Variants in GPC5 observed in about 807,000 individuals in gnomAD.
GPC5 encodes glypican-5.
A neutral mutation model predicts 53.9 loss-of-function variants in GPC5; 47 were observed. The observed-to-expected ratio is 0.87, with a 90% CI of 0.69 to 1.11. The LOEUF (loss-of-function observed/expected upper bound fraction) is 1.11, where lower values mean the gene tolerates loss of function less well. Among genes scored for constraint, GPC5 ranks in the 50% most tolerant of loss-of-function variants. The pLI, the probability that GPC5 is intolerant of heterozygous loss-of-function variation, is 0.00. For missense variants in GPC5, 748 were observed against 713.1 expected (o/e 1.05, Z -0.56); for synonymous variants, 286 against 263.3 (o/e 1.09, Z -0.84).
chr13:92,049,322 T>C (rs1175139293), intron 6 of GPC5, among the ~76,000 whole-genome samples: 1 of 152,172 alleles, frequency 6.6e-6, no homozygotes, highest in African/African-American at 2.4e-5. Context: ...TACATATCAC[T>C]ATCTGACCTT....
intron 4 of GPC5, among the ~76,000 whole-genome samples, chr13:91,740,155 C>T (rs1204683834): frequency 6.6e-6 from 1 of 152,168 alleles, no homozygotes; most frequent in Non-Finnish European, 1.5e-5. Context: ...GAGTTGCCTG[C>T]ATACTGATTA....
chr13:92,790,806 T>A (rs1364379201), intron 7 of GPC5, among the ~76,000 whole-genome samples: 1 of 152,122 alleles, frequency 6.6e-6, no homozygotes, highest in Non-Finnish European at 1.5e-5. Context: ...CCTCCTTCAT[T>A]GAGAAGCTGA....
At chr13:91,895,723 A>C (rs906614020) in intron 5 of GPC5, among the ~76,000 whole-genome samples, 3 of 151,940 alleles carry the variant, frequency 2.0e-5, no homozygotes, top group Non-Finnish European at 2.9e-5. Context: ...GTAACCTAGA[A>C]AGGATGCTCC....
intron 7 of GPC5, among the ~76,000 whole-genome samples, chr13:92,542,245 C>T (rs1881954971): frequency 6.6e-6 from 1 of 151,942 alleles, no homozygotes; most frequent in African/African-American, 2.4e-5. Context: ...TAAATGTAGT[C>T]ACTCTACAGT....
intron 7 of GPC5, among the ~76,000 whole-genome samples, chr13:92,534,073 G>A (rs1448944782): frequency 6.6e-6 from 1 of 152,090 alleles, no homozygotes; most frequent in East Asian, 1.9e-4. Flanking sequence ...GATCACTTGA[G>A]CCCATTAGAT....
At chr13:91,873,536 T>TC (rs1467133227) in intron 5 of GPC5, among the ~76,000 whole-genome samples, 1 of 151,582 alleles carries the variant, frequency 6.6e-6, no homozygotes, top group Non-Finnish European at 1.5e-5. Context: ...AAAACGAGAG[T>TC]CCCCCTGCAC....
intron 7 of GPC5, among the ~76,000 whole-genome samples, chr13:92,692,974 C>T (rs759781885): frequency 6.6e-6 from 1 of 151,518 alleles, no homozygotes; most frequent in Non-Finnish European, 1.5e-5. Flanking sequence ...GGGTGGTTTC[C>T]CTCATACTAT....
chr13:92,391,880 A>G (rs1875018950), intron 7 of GPC5, among the ~76,000 whole-genome samples: 1 of 152,182 alleles, frequency 6.6e-6, no homozygotes, highest in Non-Finnish European at 1.5e-5. Context: ...CTCACAGCAA[A>G]GCCACATGCA....
intron 6 of GPC5, among the ~76,000 whole-genome samples, chr13:92,135,261 T>C (rs903090562): frequency 1.5e-4 from 23 of 152,142 alleles, no homozygotes; most frequent in African/African-American, 5.1e-4. Context: ...CCTTGAAGTG[T>C]TTTCATATAG....
intron 5 of GPC5, among the ~76,000 whole-genome samples, chr13:91,856,340 G>A (rs1271109022): frequency 6.6e-6 from 1 of 151,526 alleles, no homozygotes; most frequent in Non-Finnish European, 1.5e-5. Flanking sequence ...TAAAGGCCTA[G>A]GAGTGAAACT....
chr13:92,009,697 A>T (rs978437105), intron 6 of GPC5, among the ~76,000 whole-genome samples: 1 of 152,114 alleles, frequency 6.6e-6, no homozygotes, highest in African/African-American at 2.4e-5. Flanking sequence ...CTACCCAAAT[A>T]ATTTCCTTTG....
intron 6 of GPC5, among the ~76,000 whole-genome samples, chr13:92,070,642 A>G (rs901097192): frequency 1.1e-4 from 16 of 152,206 alleles, no homozygotes; most frequent in Non-Finnish European, 2.4e-4. Flanking sequence ...TCAATTGTTG[A>G]ATACATATAG....
chr13:92,740,214 G>A (rs1181977148), intron 7 of GPC5, among the ~76,000 whole-genome samples: 1 of 151,722 alleles, frequency 6.6e-6, no homozygotes, highest in African/African-American at 2.4e-5. Flanking sequence ...ACTTTCTTTA[G>A]GTTTCTGGAT....
chr13:92,285,031 A>G (rs1375476498), intron 7 of GPC5, among the ~76,000 whole-genome samples: 2 of 152,212 alleles, frequency 1.3e-5, no homozygotes, highest in African/African-American at 4.8e-5. Context: ...ACTGATAAGC[A>G]ACTTCAGCAA....
At chr13:92,382,447 G>A (rs1354920474) in intron 7 of GPC5, among the ~76,000 whole-genome samples, 4 of 152,076 alleles carry the variant, frequency 2.6e-5, no homozygotes, top group Non-Finnish European at 4.4e-5. Context: ...CACTAATCTA[G>A]GAATTGGTTA....
At chr13:92,263,310 C>T (rs1024337690) in intron 7 of GPC5, among the ~76,000 whole-genome samples, 1 of 152,138 alleles carries the variant, frequency 6.6e-6, no homozygotes, top group Non-Finnish European at 1.5e-5. Flanking sequence ...ACAGGCTACT[C>T]AGAGCACAGA....
At chr13:92,756,856 T>A (rs1874902331) in intron 7 of GPC5, among the ~76,000 whole-genome samples, 2 of 150,300 alleles carry the variant, frequency 1.3e-5, no homozygotes, top group Admixed American at 6.6e-5. Flanking sequence ...GGAAGAACAT[T>A]CCATGCTCAT....
In GPC5 at chr13:91,542,602, G is replaced by A. The variant is rs74902747; in HGVS notation, c.325+93680G>A. The stretch of plus-strand genomic sequence containing the variant: ...GAAGGAATACAATTCTGAATGCAGT[G>A]TCCAGAGTCCTTGCATCCCTCCTTA... On this transcript the variant is annotated intron_variant, in intron 2 of 7. Transcript: ENST00000377067. Among the ~76,000 whole-genome samples, 1,455 of 152,322 alleles carry A rather than the reference G, an allele frequency of 9.6e-3. 8 individuals carry two copies. Among genetic ancestry groups the A allele is most frequent in the Non-Finnish European group, 0.015 (997 of 68,024 alleles).
chr13:91,921,188 C>T lies in GPC5; in HGVS notation c.1401+13131C>T, dbSNP rs147559014. 3.8e-4 allele frequency among the ~76,000 whole-genome samples: 58 copies of T among 152,060 alleles called. No homozygotes were observed. The East Asian group carries it at 9.7e-3, about 25-fold the overall frequency. On this transcript the variant is annotated intron_variant, in intron 6 of 7. Coordinates refer to ENST00000377067, the MANE Select transcript of GPC5 (RefSeq NM_004466.6). ...TTGACCTCAGGTGATTCATCTGCCT[C>T]GGCCTCCCAGAGTGTTGGGATTATA...
Sources: allele counts gnomAD v4.1 joint callset (sites outside exome capture counted in the v4.1 genomes callset), GRCh38; gene constraint gnomAD v4.1.1; transcripts MANE v1.5; gene names NCBI Gene and HGNC (gene_info 2026-07-23, HGNC 2026-07-21).